The following MALL variants were observed in gnomAD, a reference collection of about 807,000 sequenced individuals.
The protein encoded by MALL is mal, T cell differentiation protein like, also known as MAL-like protein.
A neutral mutation model predicts 10.3 loss-of-function variants in MALL; 2 were observed. The observed-to-expected ratio is 0.19, with a 90% CI of 0.08 to 0.61. The LOEUF (loss-of-function observed/expected upper bound fraction) is 0.61, where lower values mean the gene tolerates loss of function less well. Ranked by LOEUF, MALL falls within the 20% of genes least tolerant of loss-of-function variation. MALL has a pLI of 0.88. For synonymous variants in MALL, 27 were observed against 51.8 expected (o/e 0.52, Z 2.05); for missense variants, 39 against 115.2 (o/e 0.34, Z 3.03).
At chr2:110,114,947 A>G (rs1429564950) in intron 1 of MALL, among the ~76,000 whole-genome samples, 1 of 152,132 alleles carries the variant, frequency 6.6e-6, no homozygotes. Flanking sequence ...GCAGTGCGGA[A>G]CGCTGCATAC....
chr2:110,115,557 G>A (rs1678897354), intron 1 of MALL, 131 bp downstream of exon 1: 1 of 444,014 alleles, frequency 2.3e-6, no homozygotes, highest in Non-Finnish European at 3.8e-6. Context: ...TCTGCAGGTG[G>A]CCCCTGTGCT....
At chr2:110,100,807 G>A (rs955903296) in intron 1 of MALL, among the ~76,000 whole-genome samples, 1 of 152,184 alleles carries the variant, frequency 6.6e-6, no homozygotes, top group Non-Finnish European at 1.5e-5. Context: ...CCATGCGGGG[G>A]TCTGGGTGGG....
At chr2:110,099,480 T>C (rs1490031150) in intron 1 of MALL, among the ~76,000 whole-genome samples, 2 of 152,240 alleles carry the variant, frequency 1.3e-5, no homozygotes, top group Non-Finnish European at 2.9e-5. Flanking sequence ...AAACCTCATT[T>C]ACTCAATTAG....
intron 1 of MALL, 133 bp downstream of exon 1, chr2:110,115,555 T>C: frequency 3.2e-6 from 1 of 313,618 alleles, no homozygotes; most frequent in Non-Finnish European, 5.5e-6. Flanking sequence ...TCTCTGCAGG[T>C]GGCCCCTGTG....
At chr2:110,101,182 G>A (rs1298878296) in intron 1 of MALL, among the ~76,000 whole-genome samples, 2 of 152,064 alleles carry the variant, frequency 1.3e-5, no homozygotes, top group Non-Finnish European at 2.9e-5. Flanking sequence ...TTTGTGCTTC[G>A]AATACAGGAG....
intron 1 of MALL, among the ~76,000 whole-genome samples, chr2:110,110,347 G>C (rs1392584770): frequency 6.6e-6 from 1 of 151,978 alleles, no homozygotes; most frequent in Non-Finnish European, 1.5e-5. Flanking sequence ...AAAGAAGAGA[G>C]AAAATCCAAA....
At chr2:110,114,256 G>C (rs1559034275) in intron 1 of MALL, among the ~76,000 whole-genome samples, 3 of 152,064 alleles carry the variant, frequency 2.0e-5, no homozygotes, top group Non-Finnish European at 2.9e-5. Context: ...CCTTGGCCTG[G>C]AGAGTTCAGA....
chr2:110,109,467 A>G (rs1414489712), intron 1 of MALL, among the ~76,000 whole-genome samples: 5 of 152,206 alleles, frequency 3.3e-5, no homozygotes, highest in Non-Finnish European at 5.9e-5. Context: ...GGGACAGTAT[A>G]TAACGGTAAA....
intron 1 of MALL, chr2:110,097,471 G>A (rs1303914428): frequency 1.3e-5 from 6 of 456,418 alleles, no homozygotes; most frequent in East Asian, 1.4e-4. Context: ...TAAGGAGGAT[G>A]GCCTTTGGGT....
intron 1 of MALL, among the ~76,000 whole-genome samples, chr2:110,111,041 G>A (rs1390634092): frequency 6.6e-6 from 1 of 152,044 alleles, no homozygotes; most frequent in Non-Finnish European, 1.5e-5. Flanking sequence ...AAAACTCTCA[G>A]CAAAATCGGC....
chr2:110,115,528 G>A (rs1456814529), intron 1 of MALL, among the ~76,000 whole-genome samples, 160 bp downstream of exon 1: 1 of 148,308 alleles, frequency 6.7e-6, no homozygotes, highest in Non-Finnish European at 1.5e-5. Flanking sequence ...TGGGTCCGAG[G>A]CCGGTCTCCC....
intron 1 of MALL, among the ~76,000 whole-genome samples, chr2:110,113,194 T>C (rs1574038328): frequency 6.6e-6 from 1 of 151,454 alleles, no homozygotes; most frequent in African/African-American, 2.4e-5. Flanking sequence ...TCTCAGCACT[T>C]TGGGAGGCCG....
chr2:110,099,075 T>G (rs1328926379), intron 1 of MALL, among the ~76,000 whole-genome samples: 1 of 152,032 alleles, frequency 6.6e-6, no homozygotes, highest in African/African-American at 2.4e-5. Flanking sequence ...GCAAAATGCC[T>G]CAAGAGTCAC....
intron 1 of MALL, among the ~76,000 whole-genome samples, chr2:110,101,422 A>G (rs540333713): frequency 6.6e-6 from 1 of 152,294 alleles, no homozygotes; most frequent in South Asian, 2.1e-4. Flanking sequence ...TTGCCAGCCC[A>G]GGCCCCTAAG....
chr2:110,092,920 C>T (rs1407422899), intron 1 of MALL, among the ~76,000 whole-genome samples: 2 of 43,252 alleles, frequency 4.6e-5, no homozygotes, highest in Admixed American at 3.0e-4. Flanking sequence ...TATTTTCTCT[C>T]CGCACTTCCA....
intron 1 of MALL, among the ~76,000 whole-genome samples, chr2:110,110,468 G>C (rs1310997825): frequency 6.6e-6 from 1 of 152,042 alleles, no homozygotes; most frequent in African/African-American, 2.4e-5. Flanking sequence ...AGAAAACCTA[G>C]AGGAGAAGGA....
At chr2:110,105,089 T>C (rs995189509) in intron 1 of MALL, among the ~76,000 whole-genome samples, 4 of 152,198 alleles carry the variant, frequency 2.6e-5, no homozygotes, top group African/African-American at 9.7e-5. Flanking sequence ...TCTTTATTGT[T>C]ACTCTTTCCA....
chr2:110,098,037 G>A (rs1345946639), intron 1 of MALL, among the ~76,000 whole-genome samples: 1 of 151,972 alleles, frequency 6.6e-6, no homozygotes, highest in Non-Finnish European at 1.5e-5. Flanking sequence ...CTCTGCAAAG[G>A]ACACATGCGG....
chr2:110,114,504 G>T (rs552906170), intron 1 of MALL, among the ~76,000 whole-genome samples: 2 of 151,798 alleles, frequency 1.3e-5, no homozygotes, highest in Non-Finnish European at 2.9e-5. Flanking sequence ...ATCAGAGCAC[G>T]GTTATGTCAT....
Sources: gnomAD v4.1 joint callset for allele counts (sites outside exome capture counted in the v4.1 genomes callset) on GRCh38, gnomAD v4.1.1 for gene constraint, MANE v1.5 for transcripts, NCBI Gene and HGNC (gene_info 2026-07-23, HGNC 2026-07-21) for gene names.